The following SDC1 variants were observed in gnomAD, a reference collection of about 807,000 sequenced individuals.
SDC1 encodes syndecan 1, also known as syndecan-1.
A neutral mutation model predicts 29.7 loss-of-function variants in SDC1; 14 were observed. The ratio of observed to expected loss-of-function variants is 0.47; its 90% CI spans 0.31 to 0.74. SDC1 has a LOEUF of 0.74. SDC1 is among the 30% of genes least tolerant of loss of function. The pLI is 0.05. For missense variants in SDC1, 406 were observed against 400.3 expected (o/e 1.01, Z -0.12); for synonymous variants, 204 against 175.5 (o/e 1.16, Z -1.29).
At chr2:20,217,873 A>G (rs1677682393) in intron 1 of SDC1, among the ~76,000 whole-genome samples, 1 of 152,106 alleles carries the variant, frequency 6.6e-6, no homozygotes, top group Non-Finnish European at 1.5e-5. Context: ...TGCGGAGAAC[A>G]TCATACAGCC....
rs1221683649 is a variant in SDC1 at position 20,207,910 on chromosome 2, C to T, written c.67-2486G>A. On this transcript the variant is annotated intron_variant, in intron 1 of 4. Coordinates refer to ENST00000254351, the MANE Select transcript of SDC1 (RefSeq NM_002997.5). ...CCACCGGGGGATCACAGAGTGGGCA[C>T]CCCCACCCATACTCACTGGGATCAT... 8 of 977,858 alleles carry T rather than the reference C, an allele frequency of 8.2e-6. No homozygotes were observed. In the East Asian group the frequency reaches 9.1e-4, roughly 112 times the overall value. 60.6% of individuals were successfully genotyped at this position (977,858 alleles called of 1,614,324 possible). A position where few individuals can be genotyped will look rare whatever the true frequency, so the allele number is the denominator to read the frequency against.
At chr2:20,213,797 T>C (rs1284640302) in intron 1 of SDC1, among the ~76,000 whole-genome samples, 1 of 152,226 alleles carries the variant, frequency 6.6e-6, no homozygotes, top group Non-Finnish European at 1.5e-5. Context: ...CTCCCCCTTG[T>C]ACTTGCTAAA....
intron 1 of SDC1, among the ~76,000 whole-genome samples, chr2:20,205,946 G>C (rs1056922707): frequency 6.6e-6 from 1 of 152,238 alleles, no homozygotes; most frequent in Non-Finnish European, 1.5e-5. Flanking sequence ...CTGGCCCCCA[G>C]GTGTGGATAC....
At chr2:20,216,539 A>C (rs948797986) in intron 1 of SDC1, among the ~76,000 whole-genome samples, 4 of 152,176 alleles carry the variant, frequency 2.6e-5, no homozygotes, top group South Asian at 2.1e-4. Flanking sequence ...CACTACAGAT[A>C]AGATGGGCCT....
At chr2:20,219,818 TG>T (rs1677756484) in intron 1 of SDC1, among the ~76,000 whole-genome samples, 4 of 152,318 alleles carry the variant, frequency 2.6e-5, no homozygotes, top group Admixed American at 2.6e-4. Context: ...CAGTTCCTCA[TG>T]GGCTGTCCCC....
At position 20,202,114 on chromosome 2, in the gene SDC1, AG is replaced by A. The variant is rs2148276253; in HGVS notation, c.*651del. 2.7e-5 allele frequency: 14 copies of A among 509,844 alleles called. No homozygotes were observed. The highest frequency in any genetic ancestry group is 1.1e-4 in the South Asian group (4 of 35,270). 31.6% of individuals were successfully genotyped at this position (509,844 alleles called of 1,614,324 possible). On this transcript the variant is annotated 3_prime_UTR_variant, in exon 5 of 5. Coordinates refer to ENST00000254351, the MANE Select transcript of SDC1 (RefSeq NM_002997.5). ...TCCTAGTTTAAAAAAAAAAAAAAAA[AG>A]TCTTCTTAACCCTGATGCTGTCTCC...
Position 20,224,554 on chromosome 2 carries a change from A to G in SDC1, c.66+248T>C, listed in dbSNP as rs1677930898. 6.6e-6 allele frequency among the ~76,000 whole-genome samples: 1 copy of G among 151,034 alleles called. No individual in the cohort carries two copies. Among genetic ancestry groups the G allele is most frequent in the Non-Finnish European group, 1.5e-5 (1 of 67,650 alleles). ...TCCGACAGATGTGGAGACGTTTTAC[A>G]TAATTGAGCGCGGGGCCCCGGCCCC... is the stretch of plus-strand genomic sequence containing the variant. On this transcript the variant is annotated intron_variant, in intron 1 of 4. Coordinates refer to ENST00000254351, the MANE Select transcript of SDC1 (RefSeq NM_002997.5). This position sits in a 1 kb window ranked among gnomAD's most constrained non-coding sequence, Gnocchi z 4.9.
At chr2:20,207,793 G>T in intron 1 of SDC1, 1 of 209,950 alleles carries the variant, frequency 4.8e-6, no homozygotes, top group Non-Finnish European at 8.3e-6. Context: ...ACATCTCCAT[G>T]TGGTGCTTCA....
intron 3 of SDC1, 73 bp from the exon 4 acceptor site, chr2:20,203,295 C>A: frequency 6.7e-7 from 1 of 1,502,888 alleles, no homozygotes; most frequent in Non-Finnish European, 9.0e-7. Flanking sequence ...ACTACAAGAC[C>A]CAGAAGCAGC....
intron 1 of SDC1, among the ~76,000 whole-genome samples, chr2:20,209,281 G>A (rs915919026): frequency 1.3e-5 from 2 of 152,192 alleles, no homozygotes; most frequent in African/African-American, 4.8e-5. Flanking sequence ...ACTGTCTCTA[G>A]CAGATAAGGA....
In SDC1 at chr2:20,224,927, T is replaced by C; in HGVS notation, c.-60A>G. ...GCGCGGGTCGCGGCTGCGGGCCGGC[T>C]TCGCGGGTTCCGCTGCTCGATGCTC... On this transcript the variant is annotated 5_prime_UTR_variant, in exon 1 of 5. Coordinates refer to ENST00000254351, the MANE Select transcript of SDC1 (RefSeq NM_002997.5). The surrounding 1 kb of genome is among the most constrained non-coding windows in gnomAD (Gnocchi z 4.9). 1 of 1,202,716 alleles carries C rather than the reference T, an allele frequency of 8.3e-7. No individual in the cohort carries two copies. Among genetic ancestry groups the C allele is most frequent in the Non-Finnish European group, 1.0e-6 (1 of 969,868 alleles). 74.5% of individuals were successfully genotyped at this position (1,202,716 alleles called of 1,614,324 possible). A position where few individuals can be genotyped will look rare whatever the true frequency, so the allele number is the denominator to read the frequency against.
intron 1 of SDC1, among the ~76,000 whole-genome samples, chr2:20,221,076 T>C (rs552624668): frequency 1.6e-4 from 25 of 152,098 alleles, no homozygotes; most frequent in Non-Finnish European, 2.9e-4. Flanking sequence ...GGCCTCACCT[T>C]GGCAGCACCT....
chr2:20,203,676 G>C (rs1677125687), intron 3 of SDC1, 137 bp downstream of exon 3: 3 of 701,482 alleles, frequency 4.3e-6, no homozygotes, highest in Non-Finnish European at 7.3e-6. Flanking sequence ...CCTGGGGGTA[G>C]GGGAAGGCGG....
chr2:20,203,693 G>GTGC, intron 3 of SDC1, 120 bp downstream of exon 3: 1 of 786,288 alleles, frequency 1.3e-6, no homozygotes, highest in Non-Finnish European at 2.1e-6. Flanking sequence ...GCGGGCCCCT[G>GTGC]TGCCCTGTCT....
rs1359060969 is a variant in SDC1, at chr2:20,224,468, G to A, written c.66+334C>T. 6.6e-6 allele frequency among the ~76,000 whole-genome samples: 1 copy of A among 151,706 alleles called. No individual in the cohort carries two copies. Among genetic ancestry groups the A allele is most frequent in the South Asian group, 2.1e-4 (1 of 4,824 alleles). ...TCACCGACGGGGGCCCGGCCGCCGC[G>A]GTGGCCGGGGCGAGGAGGGTGGGAA... is the stretch of plus-strand genomic sequence containing the variant. On this transcript the variant is annotated intron_variant, in intron 1 of 4. Transcript: ENST00000254351. The surrounding 1 kb of genome is among the most constrained non-coding windows in gnomAD (Gnocchi z 4.9).
chr2:20,224,705 T>C lies in SDC1; in HGVS notation c.66+97A>G, dbSNP rs183676529. 3,858 of 1,200,260 alleles carry C rather than the reference T, an allele frequency of 3.2e-3. 104 individuals are homozygous for C. In the African/African-American group the frequency reaches 0.054, roughly 17 times the overall value. The allele number at this position is 1,200,260 out of a possible 1,614,324, so 74.4% of individuals were successfully genotyped here. On this transcript the variant is annotated intron_variant, in intron 1 of 4. Transcript: ENST00000254351. This position sits in a 1 kb window ranked among gnomAD's most constrained non-coding sequence, Gnocchi z 4.9. ...GCTAGCGCGGGAAGAAGGGAAGTCTTCGCTCCCCCTCCCCCTCCACGTGCA... is the reference window on the plus strand; with the variant it reads ...GCTAGCGCGGGAAGAAGGGAAGTCTCCGCTCCCCCTCCCCCTCCACGTGCA...
intron 1 of SDC1, among the ~76,000 whole-genome samples, chr2:20,220,307 T>C (rs1293287498): frequency 6.6e-6 from 1 of 152,076 alleles, no homozygotes; most frequent in African/African-American, 2.4e-5. Flanking sequence ...ATGCCAGGCT[T>C]CTCAGGGGAG....
chr2:20,218,762 GACAC>G (rs1178027529), intron 1 of SDC1, among the ~76,000 whole-genome samples: 1 of 147,658 alleles, frequency 6.8e-6, no homozygotes, highest in South Asian at 2.2e-4. Flanking sequence ...CAGATGCATG[GACAC>G]ACACACAGAC....
intron 1 of SDC1, chr2:20,207,884 C>T (rs1048953053): frequency 1.1e-6 from 1 of 924,566 alleles, no homozygotes; most frequent in African/African-American, 1.8e-5. Context: ...AAGAATACTG[C>T]CCACCGGGGG....
Sources: gnomAD v4.1 joint callset for allele counts (sites outside exome capture counted in the v4.1 genomes callset) on GRCh38, gnomAD v4.1.1 for gene constraint, Gnocchi (gnomAD v3.1) non-coding constraint, MANE v1.5 for transcripts, NCBI Gene and HGNC (gene_info 2026-07-23, HGNC 2026-07-21) for gene names.